Variants in MICU2 observed in about 807,000 individuals in gnomAD.
The protein encoded by MICU2 is mitochondrial calcium uptake 2.
A neutral mutation model predicts 60.4 loss-of-function variants in MICU2; 64 were observed. That is an observed-to-expected ratio of 1.06 (90% CI 0.87 to 1.31). MICU2 has a LOEUF of 1.31. Among genes scored for constraint, MICU2 ranks in the 50% most tolerant of loss-of-function variants. The probability of loss-of-function intolerance (pLI) is 0.00; values close to 1 mark genes in which losing one functional copy is unlikely to be tolerated. For synonymous variants in MICU2, 201 were observed against 175.0 expected, an observed-to-expected ratio of 1.15 and a Z score of -1.17; for missense variants, 569 against 531.0, an observed-to-expected ratio of 1.07 and a Z score of -0.70.
At chr13:21,529,567 G>T (rs1173457565) in intron 4 of MICU2, among the ~76,000 whole-genome samples, 1 of 152,244 alleles carries the variant, frequency 6.6e-6, no homozygotes, top group Non-Finnish European at 1.5e-5. Flanking sequence ...TAGGCAGGAG[G>T]TGGAAGAGGG....
chr13:21,547,741 A>G (rs1176797470), intron 2 of MICU2, among the ~76,000 whole-genome samples: 4 of 149,256 alleles, frequency 2.7e-5, no homozygotes, highest in Non-Finnish European at 4.5e-5. Flanking sequence ...GATGCGGTTA[A>G]CAGAGGAACT....
At chr13:21,521,681 C>T (rs538741359) in intron 5 of MICU2, among the ~76,000 whole-genome samples, 7 of 152,298 alleles carry the variant, frequency 4.6e-5, no homozygotes, top group Middle Eastern at 3.4e-3. Flanking sequence ...TTTTATTTCC[C>T]TTTCTCAGAG....
intron 4 of MICU2, among the ~76,000 whole-genome samples, chr13:21,537,106 T>C (rs1041925457): frequency 3.9e-5 from 6 of 152,214 alleles, no homozygotes; most frequent in African/African-American, 1.4e-4. Context: ...GGGATTTTTT[T>C]CCCTCTTGAC....
intron 2 of MICU2, among the ~76,000 whole-genome samples, chr13:21,550,480 G>A (rs904777684): frequency 1.3e-5 from 2 of 152,182 alleles, no homozygotes; most frequent in African/African-American, 4.8e-5. Context: ...TGAGGCTGCA[G>A]GGAGCTATGA....
At chr13:21,577,240 T>C (rs192045822) in intron 1 of MICU2, among the ~76,000 whole-genome samples, 4 of 152,214 alleles carry the variant, frequency 2.6e-5, no homozygotes, top group Admixed American at 2.6e-4. Context: ...TTACATTAAC[T>C]TGAGTAAACC....
At chr13:21,602,883 T>C (rs1593364867) in intron 1 of MICU2, 1 of 152,070 alleles carries the variant, frequency 6.6e-6, no homozygotes, top group African/African-American at 2.4e-5. Context: ...AAAAACTTAC[T>C]AAGTCTACAA....
At chr13:21,517,799 A>ACACACGCG (rs1244489287) in intron 6 of MICU2, among the ~76,000 whole-genome samples, 41 of 136,324 alleles carry the variant, frequency 3.0e-4, no homozygotes, top group African/African-American at 9.0e-4. Context: ...ACACACACAC[A>ACACACGCG]CGCGCGCGCG....
At chr13:21,502,461 T>C (rs950222794) in intron 9 of MICU2, among the ~76,000 whole-genome samples, 1 of 152,174 alleles carries the variant, frequency 6.6e-6, no homozygotes, top group Non-Finnish European at 1.5e-5. Flanking sequence ...GTAATTTGTA[T>C]ATAGGAGAGC....
At chr13:21,585,844 C>T (rs1888444543) in intron 1 of MICU2, among the ~76,000 whole-genome samples, 1 of 151,672 alleles carries the variant, frequency 6.6e-6, no homozygotes, top group Non-Finnish European at 1.5e-5. Flanking sequence ...ATTGTACTCA[C>T]AAAATAAAAA....
At chr13:21,502,885 A>G in intron 9 of MICU2, 41 bp downstream of exon 9, 1 of 1,552,842 alleles carries the variant, frequency 6.4e-7, no homozygotes, top group Non-Finnish European at 8.7e-7. Flanking sequence ...CTAACTTATT[A>G]TTTCATCTTT....
At chr13:21,533,107 T>C (rs1377837142) in intron 4 of MICU2, among the ~76,000 whole-genome samples, 1 of 152,098 alleles carries the variant, frequency 6.6e-6, no homozygotes, top group Non-Finnish European at 1.5e-5. Context: ...ACAGACAAGA[T>C]GGATGCAGCT....
chr13:21,539,688 C>T lies in MICU2; in HGVS notation c.359G>A (p.Arg120His), dbSNP rs1459811815. The change falls in exon 3 of 12, where the codon CGT (arginine) becomes CAT (histidine). Residue 120 changes from arginine to histidine, a missense_variant and splice_region_variant. Physicochemically the swap from Arg to His is conservative, Grantham distance 29 (BLOSUM62 0). Transcript: ENST00000382374. The part of the protein sequence containing the change: ...LFSVMFEQME[R>H]KTSVKKLTKK... ...TGTCAGCTTCTTGACTGAAGTTTTA[C>T]CTACAACAAATAAGAAACATTATTT... 1.2e-6 allele frequency: 2 copies of T among 1,613,746 alleles called. No homozygotes were observed. Among genetic ancestry groups the T allele is most frequent in the South Asian group, 2.2e-5 (2 of 91,078 alleles).
chr13:21,499,524 C>G (rs1371535727), intron 9 of MICU2, among the ~76,000 whole-genome samples: 1 of 151,990 alleles, frequency 6.6e-6, no homozygotes, highest in Non-Finnish European at 1.5e-5. Context: ...AATTCTCCTG[C>G]CTCTGCCTCC....
chr13:21,523,806 C>A (rs1215051556), intron 4 of MICU2, among the ~76,000 whole-genome samples: 1 of 152,212 alleles, frequency 6.6e-6, no homozygotes, highest in Non-Finnish European at 1.5e-5. Context: ...TGCTGGATCA[C>A]TGACTTTCAC....
intron 2 of MICU2, among the ~76,000 whole-genome samples, chr13:21,542,743 T>C (rs185342323): frequency 5.4e-4 from 82 of 152,314 alleles, no homozygotes; most frequent in Admixed American, 1.1e-3. Flanking sequence ...CCACCCATAT[T>C]AGAGATTCCA....
intron 4 of MICU2, among the ~76,000 whole-genome samples, chr13:21,525,852 C>A (rs1886840730): frequency 6.6e-6 from 1 of 151,486 alleles, no homozygotes; most frequent in African/African-American, 2.4e-5. Flanking sequence ...ATTTGTGGGT[C>A]TTTTCTTCAC....
chr13:21,511,005 G>A (rs1014976094), intron 7 of MICU2, among the ~76,000 whole-genome samples: 1 of 152,108 alleles, frequency 6.6e-6, no homozygotes, highest in African/African-American at 2.4e-5. Flanking sequence ...GGGCTTCAAC[G>A]GCTTCTTTCA....
At chr13:21,571,564 G>A (rs977706133) in intron 1 of MICU2, among the ~76,000 whole-genome samples, 1 of 152,150 alleles carries the variant, frequency 6.6e-6, no homozygotes, top group Non-Finnish European at 1.5e-5. Context: ...CAGGCGTGGT[G>A]GCAGGAGCCT....
At chr13:21,589,175 T>C (rs1566170522) in intron 1 of MICU2, among the ~76,000 whole-genome samples, 1 of 152,200 alleles carries the variant, frequency 6.6e-6, no homozygotes, top group Admixed American at 6.5e-5. Flanking sequence ...GTCTGACTTC[T>C]CTACCCAATG....
Sources: gnomAD v4.1 joint callset for allele counts (sites outside exome capture counted in the v4.1 genomes callset) on GRCh38, gnomAD v4.1.1 for gene constraint, MANE v1.5 for transcripts, NCBI Gene and HGNC (gene_info 2026-07-23, HGNC 2026-07-21) for gene names.